The following MAGI2 variants were observed in gnomAD, a reference collection of about 807,000 sequenced individuals.
MAGI2 encodes the protein membrane associated guanylate kinase, WW and PDZ domain containing 2.
Under a neutral mutation model 133.3 loss-of-function variants are expected in MAGI2, and 35 were observed. That is an observed-to-expected ratio of 0.26 (90% CI 0.20 to 0.35). MAGI2 has a LOEUF of 0.35. MAGI2 is among the 10% of genes least tolerant of loss of function. The pLI is 1.00. For missense variants in MAGI2, 1,636 were observed against 1,863.4 expected, an observed-to-expected ratio of 0.88 and a Z score of 2.25; for synonymous variants, 729 against 710.6, an observed-to-expected ratio of 1.03 and a Z score of -0.41.
At position 79,326,660 on chromosome 7, in the gene MAGI2, ATT is replaced by A. The variant is rs11461411; in HGVS notation, c.301+126358_301+126359del. Among the ~76,000 whole-genome samples, 434 of 148,748 alleles carry A rather than the reference ATT, an allele frequency of 2.9e-3. 4 individuals are homozygous for A. The highest frequency in any genetic ancestry group is 7.8e-3 in the African/African-American group (316 of 40,644). On this transcript the variant is annotated intron_variant, in intron 1 of 21. Transcript: ENST00000354212. ...AAATTGAGTTCAGTGTCAGTGATAC[ATT>A]TTTTTTTTTTTCAGATACTATGTAT...
At chr7:79,308,661 T>C (rs866426787) in intron 1 of MAGI2, among the ~76,000 whole-genome samples, 29 of 152,284 alleles carry the variant, frequency 1.9e-4, no homozygotes, top group Middle Eastern at 6.8e-3. Flanking sequence ...GGAATCATAA[T>C]ACCAAGAAGA....
rs574913627 is a variant in MAGI2, at chr7:78,656,950, C to T, written c.419-29711G>A. On this transcript the variant is annotated intron_variant, in intron 2 of 21. Transcript: ENST00000354212. ...ACTGTTATTTAAAATATACAAAGAA[C>T]TCTTAAAACTCAACAATAAGAAAAC... Among the ~76,000 whole-genome samples, 38 of 147,432 alleles carry T rather than the reference C, an allele frequency of 2.6e-4. 1 individual carries two copies. Among genetic ancestry groups the T allele is most frequent in the African/African-American group, 8.3e-4 (33 of 39,988 alleles).
chr7:78,656,039 G>A (rs1812239694), intron 2 of MAGI2, among the ~76,000 whole-genome samples: 1 of 150,876 alleles, frequency 6.6e-6, no homozygotes, highest in Non-Finnish European at 1.5e-5. Flanking sequence ...TTGCACTTGA[G>A]GGAAAAATAA....
intron 1 of MAGI2, among the ~76,000 whole-genome samples, chr7:79,362,455 T>C (rs1316952039): frequency 6.6e-6 from 1 of 152,090 alleles, no homozygotes; most frequent in Non-Finnish European, 1.5e-5. Context: ...TTAACACCAA[T>C]TTTAACGAAT....
intron 1 of MAGI2, among the ~76,000 whole-genome samples, chr7:79,015,327 A>G (rs1239048380): frequency 8.2e-6 from 1 of 121,544 alleles, no homozygotes; most frequent in Non-Finnish European, 1.8e-5. Flanking sequence ...CTTAAAAGCC[A>G]GGTCAGTCCT....
chr7:78,875,656 T>G lies in MAGI2; in HGVS notation c.418+131434A>C, dbSNP rs970627397. 2.0e-5 allele frequency among the ~76,000 whole-genome samples: 3 copies of G among 152,254 alleles called. No homozygotes were observed. The East Asian group carries it at 5.8e-4, about 29-fold the overall frequency. On this transcript the variant is annotated intron_variant, in intron 2 of 21. Coordinates refer to ENST00000354212, the MANE Select transcript of MAGI2 (RefSeq NM_012301.4). ...AAAACAGCACATATTGCCACTATAT[T>G]ATATAAAATGACCAATTTCAACCCA... is the stretch of plus-strand genomic sequence containing the variant.
At chr7:79,226,056 A>G (rs1187006538) in intron 1 of MAGI2, among the ~76,000 whole-genome samples, 1 of 152,202 alleles carries the variant, frequency 6.6e-6, no homozygotes, top group East Asian at 1.9e-4. Flanking sequence ...TTTTTCAGGC[A>G]TTAGGCCACT....
chr7:79,051,514 G>A (rs1037711350), intron 1 of MAGI2, among the ~76,000 whole-genome samples: 6 of 152,198 alleles, frequency 3.9e-5, no homozygotes, highest in East Asian at 1.9e-4. Flanking sequence ...ATTTTTCATC[G>A]TTTTGCAGCA....
chr7:78,986,683 G>A lies in MAGI2; in HGVS notation c.418+20407C>T, dbSNP rs890465814. Among the ~76,000 whole-genome samples, 5 of 151,802 alleles carry A rather than the reference G, an allele frequency of 3.3e-5. No homozygotes were observed. In the South Asian group the frequency reaches 6.2e-4, roughly 19 times the overall value. The stretch of plus-strand genomic sequence containing the variant: ...ATTACAGGCATGAGCTACCATGCCC[G>A]GCCATATAGAGAACCCTAGAGTTGA... On this transcript the variant is annotated intron_variant, in intron 2 of 21. Transcript: ENST00000354212.
intron 1 of MAGI2, among the ~76,000 whole-genome samples, chr7:79,312,715 C>T (rs1478467253): frequency 6.6e-6 from 1 of 152,100 alleles, no homozygotes; most frequent in Non-Finnish European, 1.5e-5. Context: ...ACAAAGTGTG[C>T]ATACAAAAAA....
At chr7:78,451,832 G>A (rs10485892) in intron 6 of MAGI2, among the ~76,000 whole-genome samples, 15,235 of 152,064 alleles carry the variant, frequency 0.1, 954 homozygotes, top group East Asian at 0.31. Context: ...CATTCAAAGG[G>A]TGACAGGCAG....
At chr7:78,233,296 G>T (rs762938874) in intron 10 of MAGI2, among the ~76,000 whole-genome samples, 20 of 152,142 alleles carry the variant, frequency 1.3e-4, no homozygotes, top group Non-Finnish European at 2.8e-4. Context: ...AAAGGAGTCT[G>T]AAAAGAAGCA....
At chr7:78,377,760 CA>C (rs1250743407) in intron 6 of MAGI2, among the ~76,000 whole-genome samples, 1 of 150,942 alleles carries the variant, frequency 6.6e-6, no homozygotes, top group Non-Finnish European at 1.5e-5. Flanking sequence ...AGTAATCCAC[CA>C]AGTCCTTTAC....
At chr7:79,452,993 A>G in intron 1 of MAGI2, 27 bp downstream of exon 1, 1 of 1,523,706 alleles carries the variant, frequency 6.6e-7, no homozygotes, top group Middle Eastern at 2.0e-4. Context: ...CCGCCCGGCA[A>G]AACACTGAGC....
intron 1 of MAGI2, among the ~76,000 whole-genome samples, chr7:79,303,820 C>T (rs548342510): frequency 6.6e-6 from 1 of 152,248 alleles, no homozygotes; most frequent in Non-Finnish European, 1.5e-5. Flanking sequence ...TTAGGAACGA[C>T]ATTAAGGTTA....
intron 1 of MAGI2, among the ~76,000 whole-genome samples, chr7:79,088,523 C>T (rs1163443454): frequency 2.0e-5 from 3 of 152,034 alleles, no homozygotes; most frequent in African/African-American, 4.8e-5. Flanking sequence ...CCTGATTGCC[C>T]TGGCCAGAAC....
At chr7:78,594,157 A>C (rs1001089166) in intron 3 of MAGI2, among the ~76,000 whole-genome samples, 2 of 152,186 alleles carry the variant, frequency 1.3e-5, no homozygotes, top group African/African-American at 4.8e-5. Context: ...ACTCCTCAGA[A>C]TGTTGAAGCT....
At chr7:78,208,271 T>G (rs988166286) in intron 10 of MAGI2, among the ~76,000 whole-genome samples, 1 of 151,940 alleles carries the variant, frequency 6.6e-6, no homozygotes, top group Non-Finnish European at 1.5e-5. Flanking sequence ...CAGCCATTTC[T>G]CCCCTGGCTT....
chr7:78,421,384 G>A (rs1798781972), intron 6 of MAGI2, among the ~76,000 whole-genome samples: 1 of 152,126 alleles, frequency 6.6e-6, no homozygotes, highest in African/African-American at 2.4e-5. Flanking sequence ...TTATTGTGTG[G>A]CCAAATTGTA....
Sources: allele counts gnomAD v4.1 joint callset (sites outside exome capture counted in the v4.1 genomes callset), GRCh38; gene constraint gnomAD v4.1.1; transcripts MANE v1.5; gene names NCBI Gene and HGNC (gene_info 2026-07-23, HGNC 2026-07-21).